Variants in SMAD3 observed in about 807,000 individuals in gnomAD.
SMAD3 encodes the protein SMAD family member 3.
In SMAD3, 12 loss-of-function variants were observed where a neutral mutation model predicts 51.8. The observed-to-expected ratio is 0.23, with a 90% confidence interval of 0.15 to 0.38. The LOEUF (loss-of-function observed/expected upper bound fraction) is 0.38, where lower values mean the gene tolerates loss of function less well. SMAD3 is among the 10% of genes least tolerant of loss of function. The pLI is 1.00. For missense variants in SMAD3, 294 were observed against 565.6 expected (o/e 0.52, Z 4.87); for synonymous variants, 238 against 227.7 (o/e 1.05, Z -0.41).
chr15:67,091,137 C>G (rs1016964184), intron 1 of SMAD3, among the ~76,000 whole-genome samples: 3 of 152,272 alleles, frequency 2.0e-5, no homozygotes, highest in Non-Finnish European at 4.4e-5. Context: ...CCTCCCTGCC[C>G]TGCCCATGCC....
chr15:67,169,991 G>A (rs536478623), intron 4 of SMAD3, among the ~76,000 whole-genome samples: 4 of 152,268 alleles, frequency 2.6e-5, no homozygotes, highest in African/African-American at 7.2e-5. Context: ...GAGTTGCAGG[G>A]TTTCTGAGGC....
intron 1 of SMAD3, among the ~76,000 whole-genome samples, chr15:67,114,854 C>G (rs185728220): frequency 1.3e-5 from 2 of 152,326 alleles, no homozygotes; most frequent in Non-Finnish European, 2.9e-5. Context: ...ACAGTTCCCC[C>G]TTCCCCCTCC....
rs68095915 is a variant in SMAD3, at chr15:67,177,422, G to GTTTTT, written c.659-3810_659-3806dup. Reference sequence around the variant, plus strand: ...AATGAGGGCATATTTAGTGTTTTGGGTTTTTTTTTTTTTGGTGTGTGGCAG... The same window carrying GTTTTT: ...AATGAGGGCATATTTAGTGTTTTGGGTTTTTTTTTTTTTTTTTTGGTGTGTGGCAG... On this transcript the variant is annotated intron_variant, in intron 5 of 8. Transcript: ENST00000327367. Among the ~76,000 whole-genome samples, 8 of 93,904 alleles carry GTTTTT rather than the reference G, an allele frequency of 8.5e-5. 1 individual carries two copies. Among genetic ancestry groups the GTTTTT allele is most frequent in the South Asian group, 3.9e-4 (1 of 2,536 alleles). 61.6% of individuals were successfully genotyped at this position (93,904 alleles called of 152,430 possible).
At chr15:67,070,134 A>G (rs1417923773) in intron 1 of SMAD3, among the ~76,000 whole-genome samples, 2 of 152,172 alleles carry the variant, frequency 1.3e-5, no homozygotes, top group Non-Finnish European at 2.9e-5. Context: ...TAGACCTATT[A>G]CTAAGGCTGT....
chr15:67,167,276 G>C (rs1962617484), intron 4 of SMAD3, among the ~76,000 whole-genome samples: 1 of 152,162 alleles, frequency 6.6e-6, no homozygotes, highest in South Asian at 2.1e-4. Context: ...AGGACAGCCT[G>C]GTGCATTCTG....
chr15:67,176,491 G>A (rs1962899129), intron 5 of SMAD3, among the ~76,000 whole-genome samples: 1 of 152,208 alleles, frequency 6.6e-6, no homozygotes, highest in Non-Finnish European at 1.5e-5. Flanking sequence ...GCCTTTGCCC[G>A]TTCCTTGCTT....
At chr15:67,171,890 A>G (rs1293962638) in intron 5 of SMAD3, among the ~76,000 whole-genome samples, 1 of 152,234 alleles carries the variant, frequency 6.6e-6, no homozygotes, top group African/African-American at 2.4e-5. Flanking sequence ...ATTAAAGGCC[A>G]TGATGGTGAA....
intron 1 of SMAD3, among the ~76,000 whole-genome samples, chr15:67,147,199 G>A (rs776273117): frequency 1.2e-4 from 19 of 152,178 alleles, no homozygotes; most frequent in African/African-American, 4.1e-4. Flanking sequence ...TACAGAGCCC[G>A]GGAGATGGGC....
intron 1 of SMAD3, among the ~76,000 whole-genome samples, chr15:67,122,367 G>C (rs1279919624): frequency 6.6e-6 from 1 of 152,170 alleles, no homozygotes; most frequent in African/African-American, 2.4e-5. Context: ...GTGGGTGGTG[G>C]CTGGTTTCTC....
rs1341832335 is a variant in SMAD3 at position 67,181,345 on chromosome 15, A to T, written c.763A>T (p.Met255Leu). 6.8e-6 allele frequency: 11 copies of T among 1,613,922 alleles called. No homozygotes were observed. The highest frequency in any genetic ancestry group is 1.3e-5 in the African/African-American group (1 of 74,878). ...GETFHASQPS[M>L]TVDGFTDPSN... ...GACATTCCACGCCTCGCAGCCATCC[A>T]TGACTGTGGATGGCTTCACCGACCC... The change falls in exon 6 of 9, where the codon ATG becomes TTG. Residue 255 changes from methionine to leucine, a missense_variant. Physicochemically the swap from Met to Leu is conservative, Grantham distance 15. Transcript: ENST00000327367.
intron 6 of SMAD3, among the ~76,000 whole-genome samples, chr15:67,183,000 A>AAAATATATATATATATATATAT (rs61323717): frequency 2.3e-5 from 1 of 43,646 alleles, no homozygotes; most frequent in African/African-American, 1.4e-4. Context: ...AAAAAAAAAA[A>AAAATATATATATATATATATAT]ATATATATAT....
chr15:67,164,884 C>T lies in SMAD3; in HGVS notation c.207-11C>T, dbSNP rs148430981. 86 of 1,612,542 alleles carry T rather than the reference C, an allele frequency of 5.3e-5. No homozygotes were observed. In the African/African-American group the frequency reaches 8.3e-4, roughly 15 times the overall value. On this transcript the variant is annotated splice_polypyrimidine_tract_variant and intron_variant, in intron 1 of 8. Transcript: ENST00000327367. Reference sequence around the variant, plus strand: ...ATTTCCCTCTCTTTCTGCCCCTCCCCGTCCTGGCAGGTCCCTGGATGGCCG... The same window carrying T: ...ATTTCCCTCTCTTTCTGCCCCTCCCTGTCCTGGCAGGTCCCTGGATGGCCG...
chr15:67,138,045 A>G, intron 1 of SMAD3: 1 of 1,551,658 alleles, frequency 6.4e-7, no homozygotes, highest in South Asian at 1.2e-5. Flanking sequence ...CCTGCACCCT[A>G]GGCAAACGTG....
At position 67,187,516 on chromosome 15, in the gene SMAD3, T is replaced by TA. The variant is rs1963253465; in HGVS notation, c.1154+8dup. 2 of 1,614,060 alleles carry TA rather than the reference T, an allele frequency of 1.2e-6. No homozygotes were observed. The highest frequency in any genetic ancestry group is 1.7e-6 in the Non-Finnish European group (2 of 1,179,996). ...GCTGGGGAGCGGAGTACAGGTCAGTTATGGGTGCTGCCTACATCAGGGGAC... is the reference window on the plus strand; with the variant it reads ...GCTGGGGAGCGGAGTACAGGTCAGTTAATGGGTGCTGCCTACATCAGGGGAC... On this transcript the variant is annotated splice_region_variant and intron_variant, in intron 8 of 8. Transcript: ENST00000327367.
At chr15:67,093,276 G>A (rs1419242892) in intron 1 of SMAD3, among the ~76,000 whole-genome samples, 3 of 152,194 alleles carry the variant, frequency 2.0e-5, no homozygotes, top group African/African-American at 7.2e-5. Flanking sequence ...AATCAGGTGC[G>A]ATGATGGACG....
intron 1 of SMAD3, among the ~76,000 whole-genome samples, chr15:67,090,267 C>G (rs1480849613): frequency 6.6e-6 from 1 of 152,108 alleles, no homozygotes; most frequent in East Asian, 1.9e-4. Flanking sequence ...CAGGGAGTCT[C>G]GAGTCCGATT....
chr15:67,148,348 C>G (rs538355121), intron 1 of SMAD3, among the ~76,000 whole-genome samples: 1 of 152,206 alleles, frequency 6.6e-6, no homozygotes, highest in South Asian at 2.1e-4. Flanking sequence ...TCCAGTCCAT[C>G]CCCAGTGTGG....
intron 1 of SMAD3, among the ~76,000 whole-genome samples, chr15:67,093,156 G>T (rs1034944993): frequency 6.6e-6 from 1 of 152,184 alleles, no homozygotes; most frequent in African/African-American, 2.4e-5. Context: ...AAGGAACCCT[G>T]GTGTCAGGAC....
At chr15:67,075,727 C>G (rs969496244) in intron 1 of SMAD3, among the ~76,000 whole-genome samples, 1 of 152,110 alleles carries the variant, frequency 6.6e-6, no homozygotes, top group Non-Finnish European at 1.5e-5. Context: ...CCAGCCTGAC[C>G]AATATGGTGA....
Sources: gnomAD v4.1 joint callset for allele counts (sites outside exome capture counted in the v4.1 genomes callset) on GRCh38, gnomAD v4.1.1 for gene constraint, MANE v1.5 for transcripts, NCBI Gene and HGNC (gene_info 2026-07-23, HGNC 2026-07-21) for gene names.